WDPCP: variants seen among roughly 807,000 people sequenced by gnomAD.
The protein encoded by WDPCP is WD repeat-containing and planar cell polarity effector protein fritz homolog.
Under a neutral mutation model 93.1 loss-of-function variants are expected in WDPCP, and 71 were observed. The observed-to-expected ratio is 0.76, with a 90% CI of 0.63 to 0.93. The LOEUF is 0.93. WDPCP is among the 40% of genes least tolerant of loss of function. The pLI is 0.00. For missense variants in WDPCP, 844 were observed against 887.4 expected, an observed-to-expected ratio of 0.95 and a Z score of 0.62; for synonymous variants, 315 against 315.0, an observed-to-expected ratio of 1.00 and a Z score of 0.00.
upstream of WDPCP, chr2:63,589,036 T>G: frequency 6.2e-7 from 1 of 1,614,206 alleles, no homozygotes; most frequent in Non-Finnish European, 8.5e-7. Flanking sequence ...TCCCCGCAGT[T>G]TTCAATCATG....
chr2:63,781,070 A>G (rs1464155124), intron 2 of WDPCP, among the ~76,000 whole-genome samples: 3 of 152,198 alleles, frequency 2.0e-5, no homozygotes. Flanking sequence ...TTGGTTTGAG[A>G]AAGGGTATTG....
At chr2:63,791,497 C>T (rs1256679547) in intron 2 of WDPCP, among the ~76,000 whole-genome samples, 2 of 152,134 alleles carry the variant, frequency 1.3e-5, no homozygotes, top group African/African-American at 4.8e-5. Flanking sequence ...CTCCACCTAG[C>T]ATTCTTCTTG....
chr2:63,555,386 G>A (rs947545804), intron 1 of WDPCP, among the ~76,000 whole-genome samples: 3 of 123,458 alleles, frequency 2.4e-5, no homozygotes, highest in African/African-American at 6.8e-5. Context: ...CATGATCTCC[G>A]TAGATCAGCG....
intron 14 of WDPCP, among the ~76,000 whole-genome samples, chr2:63,211,284 G>A (rs953909729): frequency 1.3e-5 from 2 of 152,220 alleles, no homozygotes; most frequent in African/African-American, 4.8e-5. Context: ...GGATCAGGCA[G>A]CAACATTTGC....
At chr2:63,699,481 G>A (rs535783670) in intron 2 of WDPCP, among the ~76,000 whole-genome samples, 12 of 152,172 alleles carry the variant, frequency 7.9e-5, no homozygotes, top group Non-Finnish European at 1.8e-4. Flanking sequence ...GGATTCAGAG[G>A]GACGGTTGTT....
chr2:63,782,233 C>G (rs572216270), intron 2 of WDPCP, among the ~76,000 whole-genome samples: 1 of 152,276 alleles, frequency 6.6e-6, no homozygotes, highest in South Asian at 2.1e-4. Flanking sequence ...CCAGGGAAAA[C>G]TCTTCTGGAC....
At chr2:63,583,456 G>A (rs1313170356) in intron 1 of WDPCP, among the ~76,000 whole-genome samples, 1 of 152,116 alleles carries the variant, frequency 6.6e-6, no homozygotes, top group Non-Finnish European at 1.5e-5. Context: ...AGGCCAGGCG[G>A]GCGGATCAGG....
intron 17 of WDPCP, among the ~76,000 whole-genome samples, chr2:63,136,076 A>G (rs1670596626): frequency 6.6e-6 from 1 of 152,196 alleles, no homozygotes; most frequent in Non-Finnish European, 1.5e-5. Flanking sequence ...GTGAACAGGC[A>G]GTAATGTATT....
At chr2:63,446,860 T>C (rs17027903) in intron 6 of WDPCP, among the ~76,000 whole-genome samples, 3,105 of 152,298 alleles carry the variant, frequency 0.02, 123 homozygotes, top group African/African-American at 0.071. Context: ...GCCTTCTTAT[T>C]TATACTTCAG....
At chr2:63,678,386 G>A (rs900965513) in intron 2 of WDPCP, among the ~76,000 whole-genome samples, 4 of 152,164 alleles carry the variant, frequency 2.6e-5, no homozygotes, top group Non-Finnish European at 4.4e-5. Context: ...CTGTTTCACA[G>A]GGCACCCCAA....
intron 1 of WDPCP, among the ~76,000 whole-genome samples, chr2:63,547,831 G>A (rs1198032095): frequency 6.6e-6 from 1 of 151,812 alleles, no homozygotes; most frequent in Non-Finnish European, 1.5e-5. Flanking sequence ...GGGGGATGAT[G>A]AAGAGCAGTT....
chr2:63,199,614 C>T (rs1489974036), intron 14 of WDPCP, among the ~76,000 whole-genome samples: 11 of 152,340 alleles, frequency 7.2e-5, no homozygotes, highest in East Asian at 3.9e-4. Context: ...GGCTTGGGAA[C>T]GTCAGCCTAC....
In WDPCP at chr2:63,378,458, AGAAGTGGTCTTGTTG is replaced by A; in HGVS notation, c.1661_1675del (p.Pro554_Leu558del). 6.2e-7 allele frequency: 1 copy of A among 1,613,368 alleles called. No individual in the cohort carries two copies. The highest frequency in any genetic ancestry group is 8.5e-7 in the Non-Finnish European group (1 of 1,179,494). ...TCTATATTCCAATATAGTGGAATCC[AGAAGTGGTCTTGTTG>A]GAGCATAGAAGGTTCCAAGGCTTGT... On this transcript the variant is annotated inframe_deletion, in exon 12 of 18. Coordinates refer to ENST00000272321, the MANE Select transcript of WDPCP (RefSeq NM_015910.7).
intron 1 of WDPCP, among the ~76,000 whole-genome samples, chr2:63,525,051 A>C (rs1703223223): frequency 6.6e-6 from 1 of 152,224 alleles, no homozygotes; most frequent in Admixed American, 6.5e-5. Flanking sequence ...ACACAAAGTA[A>C]TACTACTCAG....
At chr2:63,588,608 C>A (rs577253742), upstream of WDPCP, 4 of 509,020 alleles carry the variant, frequency 7.9e-6, no homozygotes, top group South Asian at 8.4e-5. Flanking sequence ...GTCTCAGTCA[C>A]GCGCGTGGGG....
intron 9 of WDPCP, among the ~76,000 whole-genome samples, chr2:63,426,208 C>T (rs1342101511): frequency 3.9e-5 from 6 of 152,134 alleles, no homozygotes; most frequent in African/African-American, 1.2e-4. Context: ...GGCGTGGTGG[C>T]GCACACCTGT....
At position 63,338,570 on chromosome 2, in the gene WDPCP, ATATATATAT is replaced by A. The variant is rs1462373783; in HGVS notation, c.1749-25268_1749-25260del. 2.3e-3 allele frequency among the ~76,000 whole-genome samples: 12 copies of A among 5,316 alleles called. 1 individual carries two copies. The highest frequency in any genetic ancestry group is 3.4e-3 in the Admixed American group (1 of 298). The allele number at this position is 5,316 out of a possible 152,430, so 3.5% of individuals were successfully genotyped here. A position where few individuals can be genotyped will look rare whatever the true frequency, so the allele number is the denominator to read the frequency against. On this transcript the variant is annotated intron_variant, in intron 12 of 17. Transcript: ENST00000272321. The stretch of plus-strand genomic sequence containing the variant: ...TCCATCTAAAAAAAAAAAAAAAAAA[ATATATATAT>A]ATATATATATATATATATATATATA...
chr2:63,740,409 T>A (rs556141288), intron 2 of WDPCP, among the ~76,000 whole-genome samples: 1 of 152,140 alleles, frequency 6.6e-6, no homozygotes, highest in African/African-American at 2.4e-5. Context: ...AGTGTCTTTA[T>A]CTAATTTTCA....
intron 14 of WDPCP, among the ~76,000 whole-genome samples, chr2:63,238,753 C>T (rs1679618712): frequency 6.6e-6 from 1 of 152,026 alleles, no homozygotes; most frequent in Non-Finnish European, 1.5e-5. Context: ...AATTTCAGTT[C>T]TTGTATTTGT....
Sources: allele counts gnomAD v4.1 joint callset (sites outside exome capture counted in the v4.1 genomes callset), GRCh38; gene constraint gnomAD v4.1.1; transcripts MANE v1.5; gene names NCBI Gene and HGNC (gene_info 2026-07-23, HGNC 2026-07-21).